Variants in DHX58 observed in about 807,000 individuals in gnomAD.
The protein encoded by DHX58 is DExH-box helicase 58.
DHX58 carries 51 observed loss-of-function variants against 65.0 expected under a neutral mutation model. That is an observed-to-expected ratio of 0.78 (90% CI 0.63 to 0.99). The LOEUF is 0.99. Among genes scored for constraint, DHX58 ranks in the 50% least tolerant of loss-of-function variants. The pLI, the probability that DHX58 is intolerant of heterozygous loss-of-function variation, is 0.00. For synonymous variants in DHX58, 350 were observed against 365.0 expected (o/e 0.96, Z 0.47); for missense variants, 773 against 891.8 (o/e 0.87, Z 1.70).
intron 5 of DHX58, 142 bp downstream of exon 5, chr17:42,110,581 G>A (rs1170831906): frequency 1.2e-5 from 10 of 847,324 alleles, no homozygotes; most frequent in Admixed American, 8.9e-5. Flanking sequence ...TTGGAGGCTG[G>A]GTCTTAGGTG....
At chr17:42,108,389 G>A (rs1483985856) in intron 6 of DHX58, among the ~76,000 whole-genome samples, 2 of 152,260 alleles carry the variant, frequency 1.3e-5, no homozygotes, top group Non-Finnish European at 2.9e-5. Context: ...CCGGGCCAGA[G>A]TGACTCAGCG....
At chr17:42,110,186 CA>C (rs11318535) in intron 5 of DHX58, among the ~76,000 whole-genome samples, 60,074 of 110,142 alleles carry the variant, frequency 0.55, 17,271 homozygotes, top group Non-Finnish European at 0.7. Flanking sequence ...GACTCCATCT[CA>C]AAAAAAAAAA....
intron 11 of DHX58, 111 bp downstream of exon 11, chr17:42,104,655 G>T: frequency 7.0e-7 from 1 of 1,432,898 alleles, no homozygotes; most frequent in Non-Finnish European, 9.3e-7. Context: ...GCCAAAGTTA[G>T]CCCCGAGATG....
At position 42,108,127 on chromosome 17, in the gene DHX58, G is replaced by A. The variant is rs782486185; in HGVS notation, c.679-19C>T. The A allele has an allele frequency of 1.1e-5, 17 of 1,614,066 alleles. No individual in the cohort carries two copies. The highest frequency in any genetic ancestry group is 1.4e-5 in the Non-Finnish European group (17 of 1,180,046). The stretch of plus-strand genomic sequence containing the variant: ...ACGGATCCTGAGCAAGAGGAGAGTT[G>A]GAGGGGATTCCCATACACGTTGGAG... On this transcript the variant is annotated intron_variant, in intron 6 of 13. Coordinates refer to ENST00000251642, the MANE Select transcript of DHX58 (RefSeq NM_024119.3).
chr17:42,104,534 A>G (rs1346352095), intron 11 of DHX58, among the ~76,000 whole-genome samples: 1 of 152,172 alleles, frequency 6.6e-6, no homozygotes, highest in African/African-American at 2.4e-5. Flanking sequence ...ATCTCATGGC[A>G]AAGATAAATA....
chr17:42,109,292 T>C lies in DHX58; in HGVS notation c.656A>G (p.Asn219Ser), dbSNP rs1598219845. The change falls in exon 6 of 14, where the codon AAC becomes AGC. Residue 219 changes from asparagine (N) to serine (S), a missense_variant. Transcript: ENST00000251642. ...TACCTGGCTGCGCCTGTGGCAGAGG[T>C]TGTACTGTTTGCAAGGCTGTTGGCT... ...EHSQQPCKQYNLCHRRSQDPF... is the reference protein window; with the variant it reads ...EHSQQPCKQYSLCHRRSQDPF... 6.2e-7 allele frequency: 1 copy of C among 1,612,848 alleles called. No homozygotes were observed.
intron 11 of DHX58, 100 bp from the exon 12 acceptor site, chr17:42,103,898 A>G (rs1555662050): frequency 7.6e-7 from 1 of 1,323,900 alleles, no homozygotes; most frequent in Non-Finnish European, 1.0e-6. Flanking sequence ...TACCTGGAAG[A>G]GACTTTCCTT....
chr17:42,105,232 T>C, intron 9 of DHX58, 65 bp from the exon 10 acceptor site: 1 of 1,505,160 alleles, frequency 6.6e-7, no homozygotes, highest in East Asian at 2.4e-5. Flanking sequence ...TGACTCCACC[T>C]GCCAGAGTAG....
Position 42,110,868 on chromosome 17 carries a change from TC to T in DHX58, c.415del (p.Asp139ThrfsTer8). ...GCTCATGATGACGTTGTAGACGGTG[TC>T]CTTGTGCGTGTGGTGGCACTCATCC... is the stretch of plus-strand genomic sequence containing the variant. ...VVDECHHTHK[D>X]TVYNVIMSQY... On this transcript the variant is annotated frameshift_variant, in exon 5 of 14. Transcript: ENST00000251642. LOFTEE classifies it high-confidence loss of function. 6.2e-7 allele frequency: 1 copy of T among 1,613,602 alleles called. No individual in the cohort carries two copies.
At position 42,105,071 on chromosome 17, in the gene DHX58, A is replaced by G; in HGVS notation, c.1348T>C (p.Cys450Arg). ...AGCCCATAACGCACCACCACATTGC[A>G]ATGTGGGATGTCCAGCCCCTCCTCC... ...VAEEGLDIPH[C>R]NVVVRYGLLT... Residue 450 changes from cysteine to arginine, a missense_variant, in exon 10 of 14, where the codon TGC (cysteine) becomes CGC (arginine). Transcript: ENST00000251642. 1.9e-6 allele frequency: 3 copies of G among 1,613,852 alleles called. No individual in the cohort carries two copies. Among genetic ancestry groups the G allele is most frequent in the Non-Finnish European group, 2.5e-6 (3 of 1,179,970 alleles).
In DHX58 at chr17:42,108,036, G is replaced by A. The variant is rs782317670; in HGVS notation, c.751C>T (p.Arg251Trp). Residue 251 changes from arginine to tryptophan, a missense_variant, in exon 7 of 14, where the codon CGG becomes TGG. Transcript: ENST00000251642. ...HDHLEMPELS[R>W]KFGTQMYEQQ... Reference sequence around the variant, plus strand: ...TCATACATTTGCGTCCCAAATTTCCGGCTCAACTCAGGCATCTCCAGGTGG... The same window carrying A: ...TCATACATTTGCGTCCCAAATTTCCAGCTCAACTCAGGCATCTCCAGGTGG... 5.6e-6 allele frequency: 9 copies of A among 1,614,192 alleles called. No individual in the cohort carries two copies. Among genetic ancestry groups the A allele is most frequent in the East Asian group, 2.2e-5 (1 of 44,882 alleles).
chr17:42,110,425 G>A (rs2054131554), intron 5 of DHX58, among the ~76,000 whole-genome samples: 1 of 152,214 alleles, frequency 6.6e-6, no homozygotes, highest in Non-Finnish European at 1.5e-5. Flanking sequence ...AGCCCTACAT[G>A]TTCAACATGC....
chr17:42,108,120 G>A lies in DHX58; in HGVS notation c.679-12C>T. The A allele has an allele frequency of 6.2e-7, 1 of 1,614,214 alleles. No individual in the cohort carries two copies. The highest frequency in any genetic ancestry group is 8.5e-7 in the Non-Finnish European group (1 of 1,180,046). ...TCCCCAAACGGATCCTGAGCAAGAG[G>A]AGAGTTGGAGGGGATTCCCATACAC... On this transcript the variant is annotated splice_polypyrimidine_tract_variant and intron_variant, in intron 6 of 13. Coordinates refer to ENST00000251642, the MANE Select transcript of DHX58 (RefSeq NM_024119.3).
At chr17:42,107,903 CAA>C in intron 7 of DHX58, 77 bp downstream of exon 7, 2 of 1,597,112 alleles carry the variant, frequency 1.3e-6, no homozygotes, top group Non-Finnish European at 8.5e-7. Context: ...GGCCCCGCCC[CAA>C]AGGCCTCCGC....
At position 42,105,842 on chromosome 17, in the gene DHX58, G is replaced by A; in HGVS notation, c.1145C>T (p.Ser382Phe). 1 of 1,614,048 alleles carries A rather than the reference G, an allele frequency of 6.2e-7. No homozygotes were observed. The highest frequency in any genetic ancestry group is 8.5e-7 in the Non-Finnish European group (1 of 1,180,002). The change falls in exon 9 of 14, where the codon TCC becomes TTC. Residue 382 changes from serine to phenylalanine, a missense_variant. Physicochemically the swap from Ser to Phe is radical, Grantham distance 155. Coordinates refer to ENST00000251642, the MANE Select transcript of DHX58 (RefSeq NM_024119.3). ...CTGCTGCTGGAGCCAGAGCAGGAGGGAGTGTGCGCTTTGGCGGGTGCGGGT... is the reference window on the plus strand; with the variant it reads ...CTGCTGCTGGAGCCAGAGCAGGAGGAAGTGTGCGCTTTGGCGGGTGCGGGT... ...IFTRTRQSAH[S>F]LLLWLQQQQG...
intron 8 of DHX58, among the ~76,000 whole-genome samples, chr17:42,106,332 G>A (rs1598216748): frequency 7.4e-6 from 1 of 134,670 alleles, no homozygotes; most frequent in African/African-American, 3.4e-5. Context: ...GAAAGAAAGA[G>A]AAAGAAGAAA....
intron 8 of DHX58, among the ~76,000 whole-genome samples, chr17:42,107,247 G>A (rs1180087537): frequency 5.3e-5 from 8 of 151,726 alleles, no homozygotes; most frequent in African/African-American, 1.5e-4. Flanking sequence ...CCACCTGTAC[G>A]CCTAGCTACT....
At position 42,105,030 on chromosome 17, in the gene DHX58, G is replaced by A. The variant is rs782794423; in HGVS notation, c.1389C>T (p.Ile463=). The change falls in exon 10 of 14, where the codon ATC becomes ATT. Residue 463 remains isoleucine (I), a synonymous_variant. Transcript: ENST00000251642. The part of the protein sequence containing the change: ...VVRYGLLTNE[I]SMVQARGRAR... The stretch of plus-strand genomic sequence containing the variant: ...AGGATGTGAGTACCTGGACCATGGA[G>A]ATTTCATTGGTCAAGAGCCCATAAC... 6.2e-7 allele frequency: 1 copy of A among 1,613,346 alleles called. No individual in the cohort carries two copies. Among genetic ancestry groups the A allele is most frequent in the East Asian group, 2.2e-5 (1 of 44,864 alleles).
chr17:42,107,584 A>AC lies in DHX58; in HGVS notation c.997+19_997+20insG. ...CAGGTCCCATCATCCCCGGCCCCGAAGCCCCCTCCCGCCCCTCACCATCGA... is the reference window on the plus strand; with the variant it reads ...CAGGTCCCATCATCCCCGGCCCCGAACGCCCCCTCCCGCCCCTCACCATCGA... On this transcript the variant is annotated intron_variant, in intron 8 of 13. Transcript: ENST00000251642. The AC allele has an allele frequency of 1.3e-6, 2 of 1,547,644 alleles. No homozygotes were observed. The highest frequency in any genetic ancestry group is 1.8e-6 in the Non-Finnish European group (2 of 1,142,838).
Sources: allele counts gnomAD v4.1 joint callset (sites outside exome capture counted in the v4.1 genomes callset), GRCh38; gene constraint gnomAD v4.1.1; transcripts MANE v1.5; gene names NCBI Gene and HGNC (gene_info 2026-07-23, HGNC 2026-07-21).